The following TECRL variants were observed in gnomAD, a reference collection of about 807,000 sequenced individuals.
The protein encoded by TECRL is trans-2,3-enoyl-CoA reductase-like.
A neutral mutation model predicts 52.8 loss-of-function variants in TECRL; 63 were observed. The observed-to-expected ratio is 1.19, with a 90% CI of 0.97 to 1.47. The LOEUF (loss-of-function observed/expected upper bound fraction) is 1.47, where lower values mean the gene tolerates loss of function less well. Ranked by LOEUF, TECRL falls within the 40% of genes most tolerant of loss-of-function variation. The pLI is 0.00. For synonymous variants in TECRL, 164 were observed against 141.9 expected (o/e 1.16, Z -1.10); for missense variants, 482 against 429.6 (o/e 1.12, Z -1.08).
At chr4:64,370,344 C>T (rs967155094) in intron 2 of TECRL, among the ~76,000 whole-genome samples, 4 of 151,528 alleles carry the variant, frequency 2.6e-5, no homozygotes, top group African/African-American at 9.7e-5. Context: ...TTTCACCAGG[C>T]GAAGAATGCC....
intron 2 of TECRL, among the ~76,000 whole-genome samples, chr4:64,359,675 T>C (rs1721040665): frequency 1.3e-5 from 2 of 152,034 alleles, no homozygotes; most frequent in Admixed American, 6.6e-5. Flanking sequence ...ACTTCAAGAA[T>C]GATTAGCTAT....
At chr4:64,370,770 A>G (rs1577950541) in intron 2 of TECRL, among the ~76,000 whole-genome samples, 1 of 151,828 alleles carries the variant, frequency 6.6e-6, no homozygotes, top group East Asian at 1.9e-4. Context: ...TAAAACTTTT[A>G]TCTCAAGTAA....
intron 2 of TECRL, among the ~76,000 whole-genome samples, chr4:64,341,526 G>A (rs927713190): frequency 9.2e-5 from 14 of 152,108 alleles, no homozygotes; most frequent in African/African-American, 3.4e-4. Flanking sequence ...TTTGAACCTG[G>A]GAGGTGGAGG....
intron 1 of TECRL, among the ~76,000 whole-genome samples, chr4:64,408,260 T>C (rs1724863727): frequency 6.6e-6 from 1 of 151,946 alleles, no homozygotes; most frequent in African/African-American, 2.4e-5. Context: ...ATTGATTGCA[T>C]TTTATTTTTA....
intron 2 of TECRL, among the ~76,000 whole-genome samples, chr4:64,353,079 G>A (rs570781435): frequency 6.6e-6 from 1 of 152,020 alleles, no homozygotes. Context: ...TTTTTCTAAT[G>A]ATGAGCCATA....
At chr4:64,324,281 A>C (rs1718104400) in intron 3 of TECRL, among the ~76,000 whole-genome samples, 1 of 152,088 alleles carries the variant, frequency 6.6e-6, no homozygotes, top group Non-Finnish European at 1.5e-5. Flanking sequence ...TTAATAAGGT[A>C]AGAGATAAAT....
intron 2 of TECRL, among the ~76,000 whole-genome samples, chr4:64,330,690 C>T (rs1379196237): frequency 6.6e-6 from 1 of 152,082 alleles, no homozygotes; most frequent in South Asian, 2.1e-4. Context: ...AAAGAAATAA[C>T]AAAGGTGAAT....
At chr4:64,302,582 T>C (rs913155412) in intron 7 of TECRL, among the ~76,000 whole-genome samples, 4 of 127,478 alleles carry the variant, frequency 3.1e-5, no homozygotes, top group African/African-American at 1.0e-4. Flanking sequence ...AGTCCAAAAG[T>C]CCAGTAACTT....
intron 2 of TECRL, among the ~76,000 whole-genome samples, chr4:64,337,939 T>G (rs1719238574): frequency 1.3e-5 from 2 of 152,124 alleles, no homozygotes. Context: ...TACCTTAAAG[T>G]TCATATGGAG....
At chr4:64,312,027 C>G (rs1172504147) in intron 5 of TECRL, among the ~76,000 whole-genome samples, 3 of 152,120 alleles carry the variant, frequency 2.0e-5, no homozygotes, top group Non-Finnish European at 4.4e-5. Flanking sequence ...ATACTTGACG[C>G]AGATACAGTT....
intron 7 of TECRL, among the ~76,000 whole-genome samples, chr4:64,302,297 G>C (rs536315327): frequency 6.6e-6 from 1 of 151,408 alleles, no homozygotes; most frequent in East Asian, 1.9e-4. Context: ...CAAATTTGAT[G>C]AGAATAGATT....
intron 4 of TECRL, among the ~76,000 whole-genome samples, chr4:64,319,250 G>A (rs576087680): frequency 8.6e-5 from 13 of 151,742 alleles, no homozygotes; most frequent in African/African-American, 1.2e-4. Flanking sequence ...TATAGAACAC[G>A]TGAGACAAAT....
At chr4:64,389,975 G>A (rs912533097) in intron 1 of TECRL, among the ~76,000 whole-genome samples, 1 of 151,806 alleles carries the variant, frequency 6.6e-6, no homozygotes, top group Non-Finnish European at 1.5e-5. Flanking sequence ...TCCATGTTAA[G>A]CCTTGCTTTA....
At chr4:64,390,534 T>A (rs770451760) in intron 1 of TECRL, among the ~76,000 whole-genome samples, 35 of 151,872 alleles carry the variant, frequency 2.3e-4, no homozygotes, top group Non-Finnish European at 4.3e-4. Flanking sequence ...TGCTCCATAA[T>A]GAATAGGTCT....
chr4:64,364,579 T>C (rs978413197), intron 2 of TECRL, among the ~76,000 whole-genome samples: 9 of 151,540 alleles, frequency 5.9e-5, no homozygotes, highest in African/African-American at 2.2e-4. Flanking sequence ...TAGATAACAT[T>C]ACCCCAAAGA....
At chr4:64,397,658 A>G (rs1724048083) in intron 1 of TECRL, 1 of 151,998 alleles carries the variant, frequency 6.6e-6, no homozygotes, top group Non-Finnish European at 1.5e-5. Context: ...CTCTTGAACT[A>G]TGAGAAATAT....
intron 2 of TECRL, among the ~76,000 whole-genome samples, chr4:64,367,664 A>C (rs1262765878): frequency 3.7e-5 from 1 of 27,344 alleles, no homozygotes; most frequent in Non-Finnish European, 1.5e-4. Flanking sequence ...GTTACCAAAT[A>C]ATAATGACCT....
chr4:64,325,336 G>T (rs1258333489), intron 3 of TECRL, among the ~76,000 whole-genome samples: 1 of 152,170 alleles, frequency 6.6e-6, no homozygotes, highest in Non-Finnish European at 1.5e-5. Context: ...ATTTATGTTT[G>T]AGTGCTATTT....
chr4:64,283,901 C>T (rs1371807551), intron 9 of TECRL, among the ~76,000 whole-genome samples: 1 of 151,964 alleles, frequency 6.6e-6, no homozygotes, highest in African/African-American at 2.4e-5. Flanking sequence ...GCAAGAATAC[C>T]CCCCTTGAAG....
Sources: allele counts gnomAD v4.1 joint callset (sites outside exome capture counted in the v4.1 genomes callset), GRCh38; gene constraint gnomAD v4.1.1; transcripts MANE v1.5; gene names NCBI Gene and HGNC (gene_info 2026-07-23, HGNC 2026-07-21).